Variants in IMMP2L observed in about 807,000 individuals in gnomAD.
IMMP2L encodes the protein mitochondrial inner membrane protease subunit 2.
In IMMP2L, 18 loss-of-function variants were observed where a neutral mutation model predicts 19.3. The observed-to-expected ratio is 0.93, with a 90% CI of 0.64 to 1.38. IMMP2L has a LOEUF of 1.38. Ranked by LOEUF, IMMP2L falls within the 40% of genes most tolerant of loss-of-function variation. IMMP2L has a pLI of 0.00. For synonymous variants in IMMP2L, 76 were observed against 73.0 expected, an observed-to-expected ratio of 1.04 and a Z score of -0.21; for missense variants, 233 against 218.2, an observed-to-expected ratio of 1.07 and a Z score of -0.43.
rs199610368 is a variant in IMMP2L, at chr7:111,195,827, T to TATTTCATTTCATTTC, written c.240-232277_240-232263dup. Among the ~76,000 whole-genome samples, 8 of 47,062 alleles carry TATTTCATTTCATTTC rather than the reference T, an allele frequency of 1.7e-4. No individual in the cohort carries two copies. The East Asian group carries it at 5.0e-3, about 30-fold the overall frequency. 30.9% of individuals were successfully genotyped at this position (47,062 alleles called of 152,430 possible). On this transcript the variant is annotated intron_variant, in intron 3 of 5. Transcript: ENST00000405709. Reference sequence around the variant, plus strand: ...TTAATTTTTATTGTTTATTTTATTTTATTTCATTTCATTTCATTTCATTTC... The same window carrying TATTTCATTTCATTTC: ...TTAATTTTTATTGTTTATTTTATTTTATTTCATTTCATTTCATTTCATTTCATTTCATTTCATTTC...
At chr7:111,028,566 A>T (rs1827094065) in intron 3 of IMMP2L, among the ~76,000 whole-genome samples, 1 of 152,144 alleles carries the variant, frequency 6.6e-6, no homozygotes, top group Admixed American at 6.6e-5. Flanking sequence ...TGAAGATGGT[A>T]TGACTGTCTG....
rs560271394 is a variant in IMMP2L at position 111,222,162 on chromosome 7, T to C, written c.240-258597A>G. Reference sequence around the variant, plus strand: ...CTGTGAAAAGCAAGATGTGTAGATATATTAGAGGTATAATGCCGCCTCTAA... The same window carrying C: ...CTGTGAAAAGCAAGATGTGTAGATACATTAGAGGTATAATGCCGCCTCTAA... On this transcript the variant is annotated intron_variant, in intron 3 of 5. Coordinates refer to ENST00000405709, the MANE Select transcript of IMMP2L (RefSeq NM_032549.4). Among the ~76,000 whole-genome samples, 3 of 152,174 alleles carry C rather than the reference T, an allele frequency of 2.0e-5. No homozygotes were observed. The South Asian group carries it at 6.2e-4, about 32-fold the overall frequency.
At chr7:110,922,282 T>G (rs181023976) in intron 4 of IMMP2L, among the ~76,000 whole-genome samples, 1 of 152,332 alleles carries the variant, frequency 6.6e-6, no homozygotes, top group Admixed American at 6.5e-5. Flanking sequence ...TACATCAGGC[T>G]TAAGTGCAAT....
chr7:110,993,681 A>G (rs1374009488), intron 3 of IMMP2L, among the ~76,000 whole-genome samples: 2 of 152,016 alleles, frequency 1.3e-5, no homozygotes, highest in African/African-American at 4.8e-5. Context: ...CTTTCTGTCA[A>G]TGTCCAACTG....
intron 3 of IMMP2L, among the ~76,000 whole-genome samples, chr7:110,964,049 A>T (rs961482508): frequency 6.6e-6 from 1 of 151,346 alleles, no homozygotes; most frequent in Non-Finnish European, 1.5e-5. Flanking sequence ...AGAGTGTGGC[A>T]CTTCCCCTTC....
chr7:111,414,146 C>T (rs972440034), intron 3 of IMMP2L, among the ~76,000 whole-genome samples: 3 of 151,684 alleles, frequency 2.0e-5, no homozygotes, highest in African/African-American at 7.3e-5. Flanking sequence ...ACCACAGAAG[C>T]AAGAAGAGAA....
intron 3 of IMMP2L, among the ~76,000 whole-genome samples, chr7:111,077,186 T>C (rs909829903): frequency 6.6e-6 from 1 of 152,248 alleles, no homozygotes; most frequent in Non-Finnish European, 1.5e-5. Flanking sequence ...TTGGAATTTC[T>C]TGTTACAAAT....
At chr7:111,366,968 T>C (rs1829826571) in intron 3 of IMMP2L, among the ~76,000 whole-genome samples, 1 of 151,902 alleles carries the variant, frequency 6.6e-6, no homozygotes, top group Admixed American at 6.6e-5. Flanking sequence ...TTGTACCATC[T>C]TTGCAACTTT....
rs1584676944 is a variant in IMMP2L, at chr7:111,334,013, A to C, written c.239+153225T>G. ...CTAGAAAAAAACCTTTTCTTAAACA[A>C]CTCTTAGGTGAAGGGGTAAATACAA... On this transcript the variant is annotated intron_variant, in intron 3 of 5. Coordinates refer to ENST00000405709, the MANE Select transcript of IMMP2L (RefSeq NM_032549.4). Among the ~76,000 whole-genome samples the C allele has an allele frequency of 2.6e-5, 4 of 152,140 alleles. No individual in the cohort carries two copies. The East Asian group carries it at 7.7e-4, about 29-fold the overall frequency.
At chr7:110,856,314 A>C (rs1806760556) in intron 5 of IMMP2L, among the ~76,000 whole-genome samples, 1 of 152,036 alleles carries the variant, frequency 6.6e-6, no homozygotes, top group Admixed American at 6.6e-5. Flanking sequence ...AAAAGTCCTC[A>C]GCTAAAGGCA....
At chr7:111,146,450 A>G (rs573646659) in intron 3 of IMMP2L, among the ~76,000 whole-genome samples, 161 of 152,264 alleles carry the variant, frequency 1.1e-3, no homozygotes, top group Non-Finnish European at 1.9e-3. Flanking sequence ...TAGGGAGTAC[A>G]GAAATTGCCA....
intron 3 of IMMP2L, among the ~76,000 whole-genome samples, chr7:111,148,902 A>G (rs1218749491): frequency 6.6e-6 from 1 of 152,076 alleles, no homozygotes; most frequent in Non-Finnish European, 1.5e-5. Flanking sequence ...GTTCAAAGCT[A>G]TTCTATGAGG....
At chr7:110,742,580 A>C (rs1797056219) in intron 5 of IMMP2L, among the ~76,000 whole-genome samples, 1 of 152,066 alleles carries the variant, frequency 6.6e-6, no homozygotes, top group African/African-American at 2.4e-5. Context: ...CATTCTGGCT[A>C]ACACGCTGAA....
At chr7:111,357,084 C>G (rs1828788477) in intron 3 of IMMP2L, among the ~76,000 whole-genome samples, 1 of 152,120 alleles carries the variant, frequency 6.6e-6, no homozygotes, top group African/African-American at 2.4e-5. Context: ...ACTTTATAAA[C>G]TACAAACTCA....
chr7:110,674,651 T>A (rs1237577878), intron 5 of IMMP2L, among the ~76,000 whole-genome samples: 2 of 152,224 alleles, frequency 1.3e-5, no homozygotes, highest in African/African-American at 4.8e-5. Flanking sequence ...CAAAACGAAC[T>A]GAAACAATAT....
At chr7:111,220,576 T>TGATGGATGGATGGATG (rs34015257) in intron 3 of IMMP2L, among the ~76,000 whole-genome samples, 31 of 148,374 alleles carry the variant, frequency 2.1e-4, no homozygotes, top group Non-Finnish European at 3.6e-4. Flanking sequence ...CAGAGAAACA[T>TGATGGATGGATGGATG]GATGGATGGA....
At chr7:110,810,982 T>TA (rs1801995660) in intron 5 of IMMP2L, among the ~76,000 whole-genome samples, 2 of 151,962 alleles carry the variant, frequency 1.3e-5, no homozygotes, top group African/African-American at 4.8e-5. Flanking sequence ...TAGAACCCTG[T>TA]GTACCTACCC....
Position 110,902,479 on chromosome 7 carries a change from A to AATATATATATATATATATATAT in IMMP2L, c.306-15806_306-15785dup, listed in dbSNP as rs67367468. On this transcript the variant is annotated intron_variant, in intron 4 of 5. Transcript: ENST00000405709. ...AATATAAATATGTCATGAATGATAA[A>AATATATATATATATATATATAT]ATATATATATATATATATATATAGT... 1.1e-3 allele frequency among the ~76,000 whole-genome samples: 154 copies of AATATATATATATATATATATAT among 140,472 alleles called. 1 individual carries two copies. Among genetic ancestry groups the AATATATATATATATATATATAT allele is most frequent in the African/African-American group, 3.8e-3 (139 of 36,938 alleles). The allele number at this position is 140,472 out of a possible 152,430, so 92.2% of individuals were successfully genotyped here. A position where few individuals can be genotyped will look rare whatever the true frequency, so the allele number is the denominator to read the frequency against.
At chr7:111,451,956 T>C (rs1289539332) in intron 3 of IMMP2L, among the ~76,000 whole-genome samples, 2 of 152,142 alleles carry the variant, frequency 1.3e-5, no homozygotes, top group Admixed American at 1.3e-4. Flanking sequence ...TAATAGTGCC[T>C]TTCCACACAG....
Sources: gnomAD v4.1 joint callset for allele counts (sites outside exome capture counted in the v4.1 genomes callset) on GRCh38, gnomAD v4.1.1 for gene constraint, MANE v1.5 for transcripts, NCBI Gene and HGNC (gene_info 2026-07-23, HGNC 2026-07-21) for gene names.